The following KCNH8 variants were observed in gnomAD, a reference collection of about 807,000 sequenced individuals.
KCNH8 encodes potassium voltage-gated channel subfamily H member 8, also known as voltage-gated delayed rectifier potassium channel KCNH8.
KCNH8 carries 70 observed loss-of-function variants against 103.6 expected under a neutral mutation model. The observed-to-expected ratio is 0.68, with a 90% CI of 0.56 to 0.82. KCNH8 has a LOEUF of 0.82. Among genes scored for constraint, KCNH8 ranks in the 40% least tolerant of loss-of-function variants. The probability of loss-of-function intolerance (pLI) is 0.00; values close to 1 mark genes in which losing one functional copy is unlikely to be tolerated. For synonymous variants in KCNH8, 498 were observed against 489.4 expected (o/e 1.02, Z -0.23); for missense variants, 1,217 against 1,329.9 (o/e 0.92, Z 1.32).
In KCNH8 at chr3:19,438,485, A is replaced by G. The variant is rs2067233476; in HGVS notation, c.1375+124A>G. The G allele has an allele frequency of 3.1e-5, 25 of 798,054 alleles. No individual in the cohort carries two copies. In the South Asian group the frequency reaches 4.4e-4, roughly 14 times the overall value. 49.4% of individuals were successfully genotyped at this position (798,054 alleles called of 1,614,324 possible). On this transcript the variant is annotated intron_variant, in intron 8 of 15. Transcript: ENST00000328405. ...ATTAACACTGGAAGATTCTAAAAGCACTAATTAGACAGTCTAGATGCAAAG... is the reference window on the plus strand; with the variant it reads ...ATTAACACTGGAAGATTCTAAAAGCGCTAATTAGACAGTCTAGATGCAAAG...
chr3:19,486,651 A>G (rs1174079443), intron 11 of KCNH8, among the ~76,000 whole-genome samples: 1 of 152,186 alleles, frequency 6.6e-6, no homozygotes, highest in Non-Finnish European at 1.5e-5. Context: ...GGCACAGGCC[A>G]ACGTAAGTTT....
intron 3 of KCNH8, among the ~76,000 whole-genome samples, chr3:19,303,215 C>G (rs1045929363): frequency 6.6e-6 from 1 of 152,120 alleles, no homozygotes; most frequent in South Asian, 2.1e-4. Flanking sequence ...AGTTTTAATG[C>G]AGAGTGAAGT....
At chr3:19,361,679 G>A (rs960377619) in intron 5 of KCNH8, among the ~76,000 whole-genome samples, 2 of 152,048 alleles carry the variant, frequency 1.3e-5, no homozygotes, top group Non-Finnish European at 2.9e-5. Flanking sequence ...TTAAACAAAT[G>A]AGCAGAATTC....
At chr3:19,313,205 G>A (rs1192196681) in intron 3 of KCNH8, among the ~76,000 whole-genome samples, 1 of 151,842 alleles carries the variant, frequency 6.6e-6, no homozygotes, top group African/African-American at 2.4e-5. Context: ...GCACTCAAAA[G>A]GGGGCTTAGG....
intron 11 of KCNH8, among the ~76,000 whole-genome samples, chr3:19,503,733 A>T (rs1405077723): frequency 7.0e-6 from 1 of 142,942 alleles, no homozygotes; most frequent in Non-Finnish European, 1.5e-5. Context: ...AACAATGAGA[A>T]CACATGGACA....
intron 1 of KCNH8, among the ~76,000 whole-genome samples, chr3:19,245,000 C>T (rs2064186092): frequency 6.6e-6 from 1 of 151,832 alleles, no homozygotes; most frequent in South Asian, 2.1e-4. Context: ...TGTTGTAATT[C>T]CTTTTGTGGA....
chr3:19,507,084 G>A (rs773150831), intron 11 of KCNH8, among the ~76,000 whole-genome samples: 1 of 152,178 alleles, frequency 6.6e-6, no homozygotes, highest in Non-Finnish European at 1.5e-5. Flanking sequence ...TTCAGCCAGG[G>A]GATGAGACAA....
At chr3:19,284,066 A>G (rs1175511661) in intron 3 of KCNH8, among the ~76,000 whole-genome samples, 2 of 152,110 alleles carry the variant, frequency 1.3e-5, no homozygotes, top group African/African-American at 4.8e-5. Context: ...TTAACATATG[A>G]TATTTTTAAA....
chr3:19,392,194 G>A (rs185099380), intron 6 of KCNH8, among the ~76,000 whole-genome samples: 2 of 149,898 alleles, frequency 1.3e-5, no homozygotes, highest in Admixed American at 6.7e-5. Context: ...AGTCTAATTC[G>A]CATGTTTGAT....
intron 11 of KCNH8, among the ~76,000 whole-genome samples, chr3:19,489,777 T>C (rs1174646183): frequency 6.6e-6 from 1 of 152,086 alleles, no homozygotes; most frequent in African/African-American, 2.4e-5. Flanking sequence ...TTTTACAGTT[T>C]ACACCAAACC....
chr3:19,402,272 TA>T (rs2066624872), intron 7 of KCNH8, among the ~76,000 whole-genome samples: 1 of 151,928 alleles, frequency 6.6e-6, no homozygotes, highest in African/African-American at 2.4e-5. Flanking sequence ...TTTGAAGTTT[TA>T]AAAACACACC....
At position 19,390,663 on chromosome 3, in the gene KCNH8, T is replaced by C. The variant is rs773674080; in HGVS notation, c.969+25T>C. The C allele has an allele frequency of 5.6e-6, 9 of 1,599,410 alleles. No homozygotes were observed. In the African/African-American group the frequency reaches 9.5e-5, roughly 17 times the overall value. On this transcript the variant is annotated intron_variant, in intron 6 of 15. Coordinates refer to ENST00000328405, the MANE Select transcript of KCNH8 (RefSeq NM_144633.3). The stretch of plus-strand genomic sequence containing the variant: ...GGTGAGTAAAGAGCTCCCCGCCACA[T>C]GGCCTTTAAGGTTGATTTATTTATC...
chr3:19,374,563 G>T (rs528681929), intron 5 of KCNH8, among the ~76,000 whole-genome samples: 72 of 152,248 alleles, frequency 4.7e-4, no homozygotes, highest in African/African-American at 1.7e-3. Context: ...TATCCAGTTT[G>T]CCAGTCTGTG....
At chr3:19,488,488 T>A (rs1208715230) in intron 11 of KCNH8, among the ~76,000 whole-genome samples, 1 of 152,236 alleles carries the variant, frequency 6.6e-6, no homozygotes, top group East Asian at 1.9e-4. Flanking sequence ...TTTGACTAAC[T>A]AAGGCCATGT....
intron 1 of KCNH8, among the ~76,000 whole-genome samples, chr3:19,236,884 T>C (rs1018126029): frequency 1.3e-5 from 2 of 152,248 alleles, no homozygotes; most frequent in Non-Finnish European, 2.9e-5. Context: ...TTAATGCCAT[T>C]GTCAAAAACA....
intron 1 of KCNH8, among the ~76,000 whole-genome samples, chr3:19,189,571 T>A (rs1436041886): frequency 1.3e-5 from 2 of 151,948 alleles, no homozygotes. Context: ...TTAGGAAAAA[T>A]TTCTCATTTA....
intron 11 of KCNH8, among the ~76,000 whole-genome samples, chr3:19,493,411 T>C (rs2068368898): frequency 6.6e-6 from 1 of 152,092 alleles, no homozygotes; most frequent in African/African-American, 2.4e-5. Context: ...GCTCTCGTGA[T>C]AGTGAGTGAA....
chr3:19,377,340 T>C (rs959845266), intron 5 of KCNH8, among the ~76,000 whole-genome samples: 4 of 152,142 alleles, frequency 2.6e-5, no homozygotes, highest in African/African-American at 7.2e-5. Context: ...ATTGAGTGGA[T>C]TTGTGCACAT....
intron 5 of KCNH8, among the ~76,000 whole-genome samples, chr3:19,386,384 G>C (rs966616086): frequency 1.3e-5 from 2 of 152,160 alleles, no homozygotes; most frequent in Admixed American, 1.3e-4. Flanking sequence ...ATTATGATTA[G>C]TTTTTTGGCA....
Sources: gnomAD v4.1 joint callset for allele counts (sites outside exome capture counted in the v4.1 genomes callset) on GRCh38, gnomAD v4.1.1 for gene constraint, MANE v1.5 for transcripts, NCBI Gene and HGNC (gene_info 2026-07-23, HGNC 2026-07-21) for gene names.